The following LY6S variants were observed in gnomAD, a reference collection of about 807,000 sequenced individuals.
LY6S encodes the protein lymphocyte antigen 6 family member S, also known as lymphocyte antigen 6S.
chr8:143,051,364 A>G, the LY6S span, among the ~76,000 whole-genome samples: 1 of 152,092 alleles, frequency 6.6e-6, no homozygotes, highest in Non-Finnish European at 1.5e-5. Flanking sequence ...AACATGGTGA[A>G]ACCCCGTCTC....
At chr8:143,056,494 AC>A in the LY6S span, among the ~76,000 whole-genome samples, 1 of 152,178 alleles carries the variant, frequency 6.6e-6, no homozygotes, top group African/African-American at 2.4e-5. Context: ...CAAAATAAAT[AC>A]AGCATATATG....
At chr8:143,044,057 G>A in the LY6S span, 1 of 446,612 alleles carries the variant, frequency 2.2e-6, no homozygotes, top group African/African-American at 2.0e-5. Context: ...GGTGCTGAGG[G>A]TGCTGAGGGT....
At chr8:143,074,569 C>T in the LY6S span, among the ~76,000 whole-genome samples, 29,189 of 151,936 alleles carry the variant, frequency 0.19, 3,659 homozygotes, top group African/African-American at 0.34. Context: ...TGAGCACCTA[C>T]TTTCATAGCT....
chr8:143,056,267 A>G, the LY6S span, among the ~76,000 whole-genome samples: 2 of 149,656 alleles, frequency 1.3e-5, no homozygotes, highest in Non-Finnish European at 3.0e-5. Flanking sequence ...ACATCGGGAA[A>G]CATATAGACT....
chr8:143,068,486 T>C, the LY6S span, among the ~76,000 whole-genome samples: 1 of 152,166 alleles, frequency 6.6e-6, no homozygotes, highest in African/African-American at 2.4e-5. Flanking sequence ...TCTGCTATGA[T>C]TGGAAACTTC....
the LY6S span, chr8:143,044,677 G>A: frequency 7.3e-7 from 1 of 1,367,132 alleles, no homozygotes; most frequent in South Asian, 1.1e-5. Context: ...GCACCCCAGG[G>A]ACTCACTGCC....
the LY6S span, among the ~76,000 whole-genome samples, chr8:143,049,552 G>A: frequency 5.3e-5 from 8 of 152,176 alleles, no homozygotes; most frequent in African/African-American, 9.7e-5. Context: ...AGACCCATGC[G>A]AAGACCCTCT....
the LY6S span, among the ~76,000 whole-genome samples, chr8:143,056,063 G>A: frequency 3.3e-5 from 5 of 151,282 alleles, no homozygotes; most frequent in East Asian, 3.9e-4. Flanking sequence ...TTTCCCAGGC[G>A]TGCCTCATCT....
At chr8:143,066,492 C>A in the LY6S span, 2 of 252,712 alleles carry the variant, frequency 7.9e-6, no homozygotes, top group South Asian at 5.2e-5. Context: ...TGGCCTTGTC[C>A]TTGGCCACAC....
chr8:143,044,254 G>C, the LY6S span: 618 of 456,230 alleles, frequency 1.4e-3, 1 homozygote, highest in Non-Finnish European at 2.4e-3. Flanking sequence ...GCGGCATGAA[G>C]TGGGGACAAG....
the LY6S span, among the ~76,000 whole-genome samples, chr8:143,047,393 C>T: frequency 4.6e-4 from 70 of 152,044 alleles, no homozygotes; most frequent in Non-Finnish European, 8.1e-4. Context: ...CTGCCTGCCT[C>T]GGCCTCCCAA....
chr8:143,070,473 AT>A, the LY6S span, among the ~76,000 whole-genome samples: 2 of 35,068 alleles, frequency 5.7e-5, no homozygotes, highest in Admixed American at 1.0e-3. Flanking sequence ...TAATATATAT[AT>A]AAATATATAT....
chr8:143,049,919 CAA>C, the LY6S span, among the ~76,000 whole-genome samples: 34,226 of 152,034 alleles, frequency 0.23, 4,044 homozygotes, highest in Non-Finnish European at 0.26. Context: ...GCAAAAAAAA[CAA>C]AAACTCATCT....
the LY6S span, among the ~76,000 whole-genome samples, chr8:143,063,328 A>G: frequency 6.6e-6 from 1 of 152,222 alleles, no homozygotes; most frequent in South Asian, 2.1e-4. Flanking sequence ...ACCGTTTGGC[A>G]AGAACTGTTT....
the LY6S span, among the ~76,000 whole-genome samples, chr8:143,068,223 T>C: frequency 2.6e-5 from 4 of 152,202 alleles, no homozygotes; most frequent in Non-Finnish European, 5.9e-5. Context: ...TTACCAAGCA[T>C]ACTGCCTGCC....
chr8:143,052,197 C>T, the LY6S span, among the ~76,000 whole-genome samples: 2 of 151,858 alleles, frequency 1.3e-5, no homozygotes, highest in Non-Finnish European at 2.9e-5. Context: ...AGGAGAATGG[C>T]GTGAACCCGG....
At chr8:143,068,517 A>C in the LY6S span, among the ~76,000 whole-genome samples, 6 of 152,086 alleles carry the variant, frequency 3.9e-5, no homozygotes, top group Non-Finnish European at 7.4e-5. Flanking sequence ...CCGAGAAGCC[A>C]AGCAGATGCC....
At chr8:143,043,599 G>A in the LY6S span, among the ~76,000 whole-genome samples, 30 of 152,328 alleles carry the variant, frequency 2.0e-4, no homozygotes, top group East Asian at 7.7e-4. Context: ...CCCCCGAAGC[G>A]GGAGCTGGGT....
At chr8:143,072,189 G>C in the LY6S span, among the ~76,000 whole-genome samples, 1 of 152,152 alleles carries the variant, frequency 6.6e-6, no homozygotes, top group Non-Finnish European at 1.5e-5. Flanking sequence ...GTTCCTGTTT[G>C]AGAAGACAGC....
Sources: gnomAD v4.1 joint callset for allele counts (sites outside exome capture counted in the v4.1 genomes callset) on GRCh38, gnomAD v4.1.1 for gene constraint, MANE v1.5 for transcripts, NCBI Gene and HGNC (gene_info 2026-07-23, HGNC 2026-07-21) for gene names.